The following HIPK2 variants were observed in gnomAD, a reference collection of about 807,000 sequenced individuals.
HIPK2 encodes homeodomain interacting protein kinase 2, also known as homeodomain-interacting protein kinase 2.
A neutral mutation model predicts 113.7 loss-of-function variants in HIPK2; 27 were observed. The ratio of observed to expected loss-of-function variants is 0.24; its 90% CI spans 0.17 to 0.33. HIPK2 has a LOEUF of 0.33. Among genes scored for constraint, HIPK2 ranks in the 10% least tolerant of loss-of-function variants. The pLI, the probability that HIPK2 is intolerant of heterozygous loss-of-function variation, is 1.00. For synonymous variants in HIPK2, 631 were observed against 642.2 expected, an observed-to-expected ratio of 0.98 and a Z score of 0.26; for missense variants, 1,257 against 1,588.0, an observed-to-expected ratio of 0.79 and a Z score of 3.54.
intron 10 of HIPK2, among the ~76,000 whole-genome samples, chr7:139,601,990 T>C (rs1799442680): frequency 6.7e-6 from 1 of 148,644 alleles, no homozygotes; most frequent in Non-Finnish European, 1.5e-5. Flanking sequence ...TCTCAGTCTG[T>C]TGCCCAGGCT....
At chr7:139,694,655 T>A (rs1359417670) in intron 2 of HIPK2, among the ~76,000 whole-genome samples, 1 of 152,064 alleles carries the variant, frequency 6.6e-6, no homozygotes, top group Non-Finnish European at 1.5e-5. Context: ...TGGTCCATGG[T>A]CACATAAAAA....
intron 2 of HIPK2, among the ~76,000 whole-genome samples, chr7:139,639,200 T>C (rs982678337): frequency 6.6e-6 from 1 of 152,200 alleles, no homozygotes; most frequent in Non-Finnish European, 1.5e-5. Context: ...GCAGAGGCCT[T>C]GTCCCCCTGC....
intron 1 of HIPK2, among the ~76,000 whole-genome samples, chr7:139,759,661 G>A (rs1796431394): frequency 6.6e-6 from 1 of 152,138 alleles, no homozygotes; most frequent in East Asian, 1.9e-4. Flanking sequence ...AGAGAAAAAA[G>A]TTAAGACGTA....
At position 139,566,826 on chromosome 7, in the gene HIPK2, G is replaced by A. The variant is rs1350219285; in HGVS notation, c.*6101C>T. The A allele has an allele frequency of 6.6e-6, 1 of 152,248 alleles. No homozygotes were observed. Among genetic ancestry groups the A allele is most frequent in the African/African-American group, 2.4e-5 (1 of 41,464 alleles). The allele number at this position is 152,248 out of a possible 1,614,324, so 9.4% of individuals were successfully genotyped here. The stretch of plus-strand genomic sequence containing the variant: ...GACAGTCAGTGTCATGTTCAACACA[G>A]GGATCTGAGATGAGGGGCTCCCAGA... On this transcript the variant is annotated 3_prime_UTR_variant, in exon 15 of 15. Coordinates refer to ENST00000406875, the MANE Select transcript of HIPK2 (RefSeq NM_022740.5). The surrounding 1 kb of genome is among the most constrained non-coding windows in gnomAD (Gnocchi z 4.1).
chr7:139,727,324 A>G (rs1474178463), intron 1 of HIPK2, among the ~76,000 whole-genome samples: 1 of 152,138 alleles, frequency 6.6e-6, no homozygotes, highest in Admixed American at 6.5e-5. Flanking sequence ...GGAATGAGCC[A>G]ATAGCCCTCT....
At chr7:139,646,112 T>C (rs73486007) in intron 2 of HIPK2, among the ~76,000 whole-genome samples, 6,961 of 152,172 alleles carry the variant, frequency 0.046, 515 homozygotes, top group African/African-American at 0.16. Flanking sequence ...TAGGGGGCGC[T>C]GAAGTGCAAC....
At chr7:139,648,550 C>CG (rs1312336819) in intron 2 of HIPK2, among the ~76,000 whole-genome samples, 16 of 152,322 alleles carry the variant, frequency 1.1e-4, no homozygotes, top group African/African-American at 3.4e-4. Context: ...TTTATCCCCC[C>CG]GGGATAGCAT....
intron 2 of HIPK2, among the ~76,000 whole-genome samples, chr7:139,684,309 CAATTAAT>C (rs1213094724): frequency 6.6e-6 from 1 of 152,092 alleles, no homozygotes; most frequent in Non-Finnish European, 1.5e-5. Flanking sequence ...GAAATTAGGC[CAATTAAT>C]AATCCTACAA....
At chr7:139,607,853 C>T (rs1799673502) in intron 9 of HIPK2, among the ~76,000 whole-genome samples, 1 of 151,584 alleles carries the variant, frequency 6.6e-6, no homozygotes, top group African/African-American at 2.4e-5. Flanking sequence ...ATGGATAATA[C>T]CTAAAATGGA....
chr7:139,749,224 T>C (rs1796240349), intron 1 of HIPK2, among the ~76,000 whole-genome samples: 1 of 152,246 alleles, frequency 6.6e-6, no homozygotes, highest in Non-Finnish European at 1.5e-5. Flanking sequence ...ACTGTCATCA[T>C]ACAAATCACT....
Position 139,572,987 on chromosome 7 carries a change from G to A in HIPK2, c.3537C>T (p.Ser1179=), listed in dbSNP as rs1255154379. ...HQTYISASPA[S]TVYTGYPLSP... ...TCAGTGGGTATCCAGTGTAGACGGT[G>A]GAGGCTGGCGAGGCGCTGATGTAGG... The change falls in exon 15 of 15, where the codon TCC becomes TCT. Residue 1179 remains serine (S), a synonymous_variant. Coordinates refer to ENST00000406875, the MANE Select transcript of HIPK2 (RefSeq NM_022740.5). 3 of 1,608,018 alleles carry A rather than the reference G, an allele frequency of 1.9e-6. No homozygotes were observed. The highest frequency in any genetic ancestry group is 1.3e-5 in the African/African-American group (1 of 74,630).
In HIPK2 at chr7:139,714,390, TG is replaced by T. The variant is rs1795158580; in HGVS notation, c.1103+1541del. On this transcript the variant is annotated intron_variant, in intron 2 of 14. Transcript: ENST00000406875. The surrounding 1 kb of genome is among the most constrained non-coding windows in gnomAD (Gnocchi z 4.2). ...CTGGGGATCCGAACGGAGGGGCTGTTGCTCTCCCAGGGAAGGAGGGCCTGGT... is the reference window on the plus strand; with the variant it reads ...CTGGGGATCCGAACGGAGGGGCTGTTCTCTCCCAGGGAAGGAGGGCCTGGT... Among the ~76,000 whole-genome samples the T allele has an allele frequency of 6.6e-6, 1 of 152,056 alleles. No individual in the cohort carries two copies. The highest frequency in any genetic ancestry group is 1.5e-5 in the Non-Finnish European group (1 of 67,974).
intron 1 of HIPK2, among the ~76,000 whole-genome samples, chr7:139,760,585 T>C (rs1356875113): frequency 2.0e-5 from 3 of 152,202 alleles, no homozygotes; most frequent in African/African-American, 7.2e-5. Flanking sequence ...AATATAAATA[T>C]TGGTATTTCG....
In HIPK2 at chr7:139,631,071, G is replaced by A; in HGVS notation, c.1347+94C>T. On this transcript the variant is annotated intron_variant, in intron 4 of 14. Coordinates refer to ENST00000406875, the MANE Select transcript of HIPK2 (RefSeq NM_022740.5). The surrounding 1 kb of genome is among the most constrained non-coding windows in gnomAD (Gnocchi z 4.9). ...ACAGCACCCCCAGTGCCCTCATTTT[G>A]CTGACTGAATCAAAAGCTCCCCACT... is the stretch of plus-strand genomic sequence containing the variant. The A allele has an allele frequency of 6.8e-7, 1 of 1,471,350 alleles. No individual in the cohort carries two copies. The highest frequency in any genetic ancestry group is 9.1e-7 in the Non-Finnish European group (1 of 1,101,200). 91.1% of individuals were successfully genotyped at this position (1,471,350 alleles called of 1,614,324 possible). A position where few individuals can be genotyped will look rare whatever the true frequency, so the allele number is the denominator to read the frequency against.
At chr7:139,688,347 G>A (rs1463073161) in intron 2 of HIPK2, among the ~76,000 whole-genome samples, 2 of 152,124 alleles carry the variant, frequency 1.3e-5, no homozygotes, top group Admixed American at 6.5e-5. Flanking sequence ...TCTCCTTACC[G>A]CTCCCCCTAA....
intron 1 of HIPK2, among the ~76,000 whole-genome samples, chr7:139,771,440 A>C (rs1796647880): frequency 6.6e-6 from 1 of 152,038 alleles, no homozygotes; most frequent in Non-Finnish European, 1.5e-5. Flanking sequence ...ATACAAGTAC[A>C]AGAAAAATAA....
chr7:139,580,857 C>T (rs1349846716), intron 13 of HIPK2, among the ~76,000 whole-genome samples: 3 of 152,190 alleles, frequency 2.0e-5, no homozygotes, highest in South Asian at 2.1e-4. Context: ...CTGGCATTTA[C>T]GTACTTAGTG....
chr7:139,717,735 T>G (rs528338202), intron 1 of HIPK2, among the ~76,000 whole-genome samples: 128 of 151,342 alleles, frequency 8.5e-4, no homozygotes, highest in Middle Eastern at 3.4e-3. Context: ...TTTTGTTTTT[T>G]TTTGTTTGTT....
chr7:139,638,227 T>C (rs560911180), intron 2 of HIPK2, among the ~76,000 whole-genome samples: 1 of 152,324 alleles, frequency 6.6e-6, no homozygotes, highest in African/African-American at 2.4e-5. Flanking sequence ...TCTCTTGCCT[T>C]TGGTTTTAAC....
Sources: allele counts gnomAD v4.1 joint callset (sites outside exome capture counted in the v4.1 genomes callset), GRCh38; gene constraint gnomAD v4.1.1; non-coding constraint Gnocchi (gnomAD v3.1); transcripts MANE v1.5; gene names NCBI Gene and HGNC (gene_info 2026-07-23, HGNC 2026-07-21).